CA13: variants seen among roughly 807,000 people sequenced by gnomAD.
CA13 encodes the protein carbonic anhydrase 13.
Under a neutral mutation model 31.5 loss-of-function variants are expected in CA13, and 21 were observed. The ratio of observed to expected loss-of-function variants is 0.67; its 90% CI spans 0.47 to 0.96. CA13 has a LOEUF of 0.96. CA13 is among the 40% of genes least tolerant of loss of function. The pLI is 0.00. For synonymous variants in CA13, 117 were observed against 111.4 expected (o/e 1.05, Z -0.32); for missense variants, 315 against 318.9 (o/e 0.99, Z 0.09).
chr8:85,267,229 G>T, intron 4 of CA13: 9 of 988,508 alleles, frequency 9.1e-6, no homozygotes, highest in Non-Finnish European at 1.1e-5. Context: ...GTGCCCCTTT[G>T]TCACACCCCA....
At chr8:85,277,700 T>A (rs1807634290) in intron 6 of CA13, among the ~76,000 whole-genome samples, 1 of 152,172 alleles carries the variant, frequency 6.6e-6, no homozygotes, top group Non-Finnish European at 1.5e-5. Flanking sequence ...GAGGTTTTAA[T>A]GAGCGCCTGG....
chr8:85,275,486 C>A (rs182532717), intron 6 of CA13, among the ~76,000 whole-genome samples: 1 of 151,822 alleles, frequency 6.6e-6, no homozygotes, highest in Non-Finnish European at 1.5e-5. Flanking sequence ...ATGGTAAGGG[C>A]GATGCGTTCT....
At chr8:85,267,338 C>G (rs952801422) in intron 4 of CA13, 1 of 982,546 alleles carries the variant, frequency 1.0e-6, no homozygotes, top group Non-Finnish European at 1.2e-6. Flanking sequence ...CGGCAGGATC[C>G]GGGTGCTTTA....
intron 6 of CA13, among the ~76,000 whole-genome samples, chr8:85,275,258 G>A (rs573917722): frequency 1.3e-5 from 2 of 152,266 alleles, no homozygotes; most frequent in South Asian, 2.1e-4. Context: ...TTGGTGACAG[G>A]GGCTTTCACC....
Position 85,281,633 on chromosome 8 carries a change from C to A in CA13, c.*284C>A. 2.2e-6 allele frequency: 1 copy of A among 455,360 alleles called. No individual in the cohort carries two copies. Among genetic ancestry groups the A allele is most frequent in the East Asian group, 8.2e-5 (1 of 12,224 alleles). The allele number at this position is 455,360 out of a possible 1,614,324, so 28.2% of individuals were successfully genotyped here. On this transcript the variant is annotated 3_prime_UTR_variant, in exon 7 of 7. Transcript: ENST00000321764. Reference sequence around the variant, plus strand: ...ACTCAAGTGATCCTCCCACCTCAGCCTCCAGAGTAAGTAGGACCACAGGCA... The same window carrying A: ...ACTCAAGTGATCCTCCCACCTCAGCATCCAGAGTAAGTAGGACCACAGGCA...
At chr8:85,273,078 A>C (rs527449749) in intron 6 of CA13, among the ~76,000 whole-genome samples, 33 of 152,350 alleles carry the variant, frequency 2.2e-4, no homozygotes, top group African/African-American at 7.2e-4. Context: ...TTGGCCTCCC[A>C]AAATCCTGGG....
chr8:85,262,904 G>C (rs1010108260), intron 3 of CA13, among the ~76,000 whole-genome samples: 2 of 152,040 alleles, frequency 1.3e-5, no homozygotes, highest in African/African-American at 4.8e-5. Context: ...AGAAAGTCTG[G>C]GTCAAACCTC....
rs1240027007 is a variant in CA13 at position 85,283,490 on chromosome 8, G to A, written c.*2141G>A. The A allele has an allele frequency of 6.6e-6, 1 of 152,558 alleles. No individual in the cohort carries two copies. The highest frequency in any genetic ancestry group is 2.4e-5 in the African/African-American group (1 of 41,430). 9.5% of individuals were successfully genotyped at this position (152,558 alleles called of 1,614,324 possible). A position where few individuals can be genotyped will look rare whatever the true frequency, so the allele number is the denominator to read the frequency against. ...ATTATCTCTCTGCTTGAAATTAAAT[G>A]CACTATAAGTTAATATAACAAGTAA... is the stretch of plus-strand genomic sequence containing the variant. On this transcript the variant is annotated 3_prime_UTR_variant, in exon 7 of 7. Transcript: ENST00000321764.
At chr8:85,276,414 G>C (rs865820534) in intron 6 of CA13, among the ~76,000 whole-genome samples, 1 of 152,254 alleles carries the variant, frequency 6.6e-6, no homozygotes, top group Non-Finnish European at 1.5e-5. Context: ...GAGTGCGGGC[G>C]CATGGCGCTG....
At chr8:85,269,939 T>C (rs1163706476) in intron 6 of CA13, among the ~76,000 whole-genome samples, 1 of 152,178 alleles carries the variant, frequency 6.6e-6, no homozygotes, top group Non-Finnish European at 1.5e-5. Context: ...GGTCTTGAAG[T>C]GATCCACTTC....
chr8:85,274,026 G>A (rs111401571), intron 6 of CA13, among the ~76,000 whole-genome samples: 7,353 of 151,926 alleles, frequency 0.048, 218 homozygotes, highest in Non-Finnish European at 0.063. Flanking sequence ...TGTGTCTTCC[G>A]GCCAGCTCTC....
intron 4 of CA13, 52 bp downstream of exon 4, chr8:85,266,755 C>A: frequency 1.4e-6 from 2 of 1,384,564 alleles, no homozygotes; most frequent in Non-Finnish European, 2.0e-6. Flanking sequence ...GAAGAAAGAG[C>A]TTCAGTCACG....
At chr8:85,257,679 C>T (rs1194494353) in intron 2 of CA13, among the ~76,000 whole-genome samples, 3 of 148,896 alleles carry the variant, frequency 2.0e-5, no homozygotes, top group African/African-American at 4.9e-5. Flanking sequence ...CACTGTACTC[C>T]AGCCTGGGCA....
intron 2 of CA13, among the ~76,000 whole-genome samples, chr8:85,253,625 T>G (rs1255626075): frequency 6.6e-6 from 1 of 152,194 alleles, no homozygotes; most frequent in Non-Finnish European, 1.5e-5. Flanking sequence ...TTTCAACTTT[T>G]CGGAGGAAAT....
At position 85,282,132 on chromosome 8, in the gene CA13, A is replaced by C. The variant is rs4617148; in HGVS notation, c.*783A>C. On this transcript the variant is annotated 3_prime_UTR_variant, in exon 7 of 7. Coordinates refer to ENST00000321764, the MANE Select transcript of CA13 (RefSeq NM_198584.3). ...CATAAAAAGTAGATTACGTTTTCCT[A>C]TAAGGATAATTTTTGCAGTGATTAT... 0.61 allele frequency: 92,868 copies of C among 151,986 alleles called. 28,911 individuals are homozygous for C. The highest frequency in any genetic ancestry group is 0.65 in the Non-Finnish European group (43,999 of 67,948). 9.4% of individuals were successfully genotyped at this position (151,986 alleles called of 1,614,324 possible).
intron 6 of CA13, among the ~76,000 whole-genome samples, chr8:85,274,222 G>A (rs1183268268): frequency 1.3e-5 from 2 of 152,096 alleles, no homozygotes; most frequent in East Asian, 3.9e-4. Flanking sequence ...ACTACTTCAG[G>A]CGTGACATAG....
rs78090546 is a variant in CA13 at position 85,277,132 on chromosome 8, C to T, written c.670-4098C>T. 5.9e-5 allele frequency among the ~76,000 whole-genome samples: 9 copies of T among 152,292 alleles called. No homozygotes were observed. The East Asian group carries it at 1.5e-3, about 26-fold the overall frequency. On this transcript the variant is annotated intron_variant, in intron 6 of 6. Transcript: ENST00000321764. ...AGAGAAGAAAAGCAGGCTGCGGGAG[C>T]CAGCAGTGGCAACCCACTGAGGTCT...
At position 85,245,731 on chromosome 8, in the gene CA13, G is replaced by C; in HGVS notation, c.-98G>C. 2 of 1,420,310 alleles carry C rather than the reference G, an allele frequency of 1.4e-6. No homozygotes were observed. Among genetic ancestry groups the C allele is most frequent in the Non-Finnish European group, 9.9e-7 (1 of 1,010,264 alleles). 88.0% of individuals were successfully genotyped at this position (1,420,310 alleles called of 1,614,324 possible). On this transcript the variant is annotated 5_prime_UTR_variant, in exon 1 of 7. Transcript: ENST00000321764. ...CGCACTCCTGCCGCCGGCGCCCCGC[G>C]GTCCCGCCCTAGCAGGCTCCTTCCC...
chr8:85,261,252 C>T (rs192869182), intron 3 of CA13, among the ~76,000 whole-genome samples: 2 of 152,228 alleles, frequency 1.3e-5, no homozygotes, highest in Admixed American at 6.5e-5. Context: ...TACAACATTA[C>T]AGATAATTAT....
Sources: gnomAD v4.1 joint callset for allele counts (sites outside exome capture counted in the v4.1 genomes callset) on GRCh38, gnomAD v4.1.1 for gene constraint, MANE v1.5 for transcripts, NCBI Gene and HGNC (gene_info 2026-07-23, HGNC 2026-07-21) for gene names.